ZBTB16: variants seen among roughly 807,000 people sequenced by gnomAD.
ZBTB16 encodes the protein zinc finger and BTB domain containing 16.
ZBTB16 carries 8 observed loss-of-function variants against 56.8 expected under a neutral mutation model. The ratio of observed to expected loss-of-function variants is 0.14; its 90% CI spans 0.08 to 0.25. ZBTB16 has a LOEUF of 0.25. Among genes scored for constraint, ZBTB16 ranks in the 10% least tolerant of loss-of-function variants. The pLI is 1.00. For synonymous variants in ZBTB16, 363 were observed against 368.5 expected (o/e 0.98, Z 0.17); for missense variants, 625 against 903.0 (o/e 0.69, Z 3.95).
rs1264100434 is a variant in ZBTB16, at chr11:114,117,069, T to A, written c.1269-39268T>A. ...GAGAAGGTGACTTGTAAGCAAGATC[T>A]TAAAAGATGAGAGGAAGATCACTGG... On this transcript the variant is annotated intron_variant, in intron 2 of 6. Coordinates refer to ENST00000335953, the MANE Select transcript of ZBTB16 (RefSeq NM_006006.6). 2.0e-5 allele frequency among the ~76,000 whole-genome samples: 3 copies of A among 152,122 alleles called. No homozygotes were observed. In the East Asian group the frequency reaches 5.8e-4, roughly 29 times the overall value.
chr11:114,176,558 C>T (rs918530617), intron 3 of ZBTB16, among the ~76,000 whole-genome samples: 1 of 152,168 alleles, frequency 6.6e-6, no homozygotes, highest in Non-Finnish European at 1.5e-5. Flanking sequence ...GCTGGCTGAA[C>T]CGGGGAACCC....
At chr11:114,160,487 C>T (rs1942558337) in intron 3 of ZBTB16, among the ~76,000 whole-genome samples, 1 of 152,172 alleles carries the variant, frequency 6.6e-6, no homozygotes, top group East Asian at 1.9e-4. Context: ...ATCGACAATG[C>T]AGGTCTTATT....
chr11:114,088,034 A>G (rs1940024956), intron 2 of ZBTB16, among the ~76,000 whole-genome samples: 1 of 152,144 alleles, frequency 6.6e-6, no homozygotes, highest in Non-Finnish European at 1.5e-5. Context: ...CTCTCCTTGC[A>G]GCATCCTTTC....
intron 3 of ZBTB16, among the ~76,000 whole-genome samples, chr11:114,165,602 G>C (rs571682512): frequency 6.6e-6 from 1 of 152,192 alleles, no homozygotes; most frequent in African/African-American, 2.4e-5. Context: ...GGCCTGAAGC[G>C]TACTCAGTTT....
intron 2 of ZBTB16, among the ~76,000 whole-genome samples, chr11:114,142,789 G>GA (rs1219993642): frequency 6.6e-6 from 1 of 152,122 alleles, no homozygotes; most frequent in Non-Finnish European, 1.5e-5. Context: ...TTGTGGAGGA[G>GA]AAAGCTTTTC....
At chr11:114,075,813 C>T (rs1939540341) in intron 2 of ZBTB16, among the ~76,000 whole-genome samples, 1 of 152,000 alleles carries the variant, frequency 6.6e-6, no homozygotes, top group Non-Finnish European at 1.5e-5. Context: ...TGCTTTTTTG[C>T]TCTTTAACAG....
At chr11:114,237,670 G>A (rs1173160425) in intron 4 of ZBTB16, among the ~76,000 whole-genome samples, 1 of 152,158 alleles carries the variant, frequency 6.6e-6, no homozygotes, top group Non-Finnish European at 1.5e-5. Flanking sequence ...ATCTCCCAGT[G>A]TAATAGAATC....
Position 114,060,980 on chromosome 11 carries a change from G to C in ZBTB16, c.-91+1098G>C, listed in dbSNP as rs527906034. Among the ~76,000 whole-genome samples the C allele has an allele frequency of 3.3e-5, 5 of 152,248 alleles. No homozygotes were observed. Among genetic ancestry groups the C allele is most frequent in the African/African-American group, 1.2e-4 (5 of 41,570 alleles). On this transcript the variant is annotated intron_variant, in intron 1 of 6. Transcript: ENST00000335953. The surrounding 1 kb of genome is among the most constrained non-coding windows in gnomAD (Gnocchi z 6.0). The stretch of plus-strand genomic sequence containing the variant: ...CGGGTCCGCCTCCCCTGCCGCTCTC[G>C]CCGCGGAGTCCAGCCCGCCCGGACT...
At chr11:114,068,753 T>C (rs755596185) in intron 2 of ZBTB16, among the ~76,000 whole-genome samples, 8 of 152,192 alleles carry the variant, frequency 5.3e-5, no homozygotes, top group African/African-American at 1.9e-4. Context: ...CTCCCTTTCT[T>C]ATTCCAAAAG....
At chr11:114,205,595 A>G (rs1330828324) in intron 4 of ZBTB16, among the ~76,000 whole-genome samples, 3 of 152,172 alleles carry the variant, frequency 2.0e-5, no homozygotes, top group Non-Finnish European at 4.4e-5. Context: ...CAACCAAACA[A>G]ATATAAAATG....
chr11:114,187,018 C>T lies in ZBTB16; in HGVS notation c.1433C>T (p.Thr478Ile), dbSNP rs780374276. 1 of 1,614,110 alleles carries T rather than the reference C, an allele frequency of 6.2e-7. No individual in the cohort carries two copies. The highest frequency in any genetic ancestry group is 2.2e-5 in the East Asian group (1 of 44,848). The part of the protein sequence containing the change: ...AQFSKEDALE[T>I]HRQTHTGTDM... ...TTTTCGAAGGAGGATGCCCTGGAGA[C>T]ACACAGGCAGACCCATACTGGTGAG... Residue 478 changes from threonine to isoleucine, a missense_variant, in exon 4 of 7, where the codon ACA becomes ATA. Transcript: ENST00000335953.
At position 114,163,347 on chromosome 11, in the gene ZBTB16, C is replaced by T. The variant is rs1482399057; in HGVS notation, c.1366+6913C>T. Among the ~76,000 whole-genome samples, 7 of 151,980 alleles carry T rather than the reference C, an allele frequency of 4.6e-5. No homozygotes were observed. The East Asian group carries it at 1.4e-3, about 29-fold the overall frequency. Reference sequence around the variant, plus strand: ...ACAGCCAGAGTATTTTTCCCCTTTACCTGATGAAATATACTGATTTTCCAG... The same window carrying T: ...ACAGCCAGAGTATTTTTCCCCTTTATCTGATGAAATATACTGATTTTCCAG... On this transcript the variant is annotated intron_variant, in intron 3 of 6. Transcript: ENST00000335953.
At position 114,103,815 on chromosome 11, in the gene ZBTB16, T is replaced by C. The variant is rs534234697; in HGVS notation, c.1268+39247T>C. On this transcript the variant is annotated intron_variant, in intron 2 of 6. Transcript: ENST00000335953. ...GGAGCAAACAATGTTGGGCCTTCTA[T>C]TTCAAACAGAGGTGTGGGGGCTTGT... Among the ~76,000 whole-genome samples, 19 of 152,328 alleles carry C rather than the reference T, an allele frequency of 1.2e-4. 1 individual carries two copies. Among genetic ancestry groups the C allele is most frequent in the Admixed American group, 9.8e-4 (15 of 15,300 alleles).
Position 114,063,634 on chromosome 11 carries a change from G to A in ZBTB16, c.334G>A (p.Glu112Lys). ...LLYAAEILEI[E>K]YLEEQCLKML... is the part of the protein sequence containing the mutation. ...GTATGCGGCCGAGATCCTGGAGATC[G>A]AGTACCTGGAGGAACAGTGCCTGAA... The change falls in exon 2 of 7, where the codon GAG becomes AAG. Residue 112 changes from glutamate to lysine, a missense_variant. Physicochemically the swap from Glu to Lys is moderately conservative, Grantham distance 56. Coordinates refer to ENST00000335953, the MANE Select transcript of ZBTB16 (RefSeq NM_006006.6). This position sits in a 1 kb window ranked among gnomAD's most constrained non-coding sequence, Gnocchi z 6.5. 2 of 1,614,136 alleles carry A rather than the reference G, an allele frequency of 1.2e-6. No homozygotes were observed. Among genetic ancestry groups the A allele is most frequent in the Non-Finnish European group, 1.7e-6 (2 of 1,180,042 alleles).
In ZBTB16 at chr11:114,156,440, C is replaced by G. The variant is rs1335945693; in HGVS notation, c.1366+6C>G. 6.2e-7 allele frequency: 1 copy of G among 1,614,056 alleles called. No individual in the cohort carries two copies. Among genetic ancestry groups the G allele is most frequent in the Admixed American group, 1.7e-5 (1 of 60,030 alleles). ...GCACTTACTGGCTCATTCAGGTAGG[C>G]AAGTTCGCCTTAGTGGCCCGTTCAG... On this transcript the variant is annotated splice_donor_region_variant and intron_variant, in intron 3 of 6. Transcript: ENST00000335953.
intron 3 of ZBTB16, among the ~76,000 whole-genome samples, chr11:114,174,319 T>G (rs1943048575): frequency 6.6e-6 from 1 of 151,808 alleles, no homozygotes; most frequent in South Asian, 2.1e-4. Flanking sequence ...GAGGTTTTTT[T>G]TTTTTTTCTT....
At chr11:114,172,170 C>T (rs140480368) in intron 3 of ZBTB16, among the ~76,000 whole-genome samples, 272 of 152,358 alleles carry the variant, frequency 1.8e-3, no homozygotes, top group African/African-American at 5.3e-3. Flanking sequence ...TTCCCTACTA[C>T]ATGTCCAAGA....
intron 2 of ZBTB16, among the ~76,000 whole-genome samples, chr11:114,076,617 A>G (rs1939575419): frequency 6.6e-6 from 1 of 151,724 alleles, no homozygotes; most frequent in Non-Finnish European, 1.5e-5. Context: ...ACCTCCCTGC[A>G]TTCCCCCCAC....
rs760671368 is a variant in ZBTB16, at chr11:114,235,693, TTCTTTCTTTC to T, written c.1454-6472_1454-6463del. On this transcript the variant is annotated intron_variant, in intron 4 of 6. Coordinates refer to ENST00000335953, the MANE Select transcript of ZBTB16 (RefSeq NM_006006.6). ...TTCTTTCTTTCTTTCTTTCTTTCTTTTCTTTCTTTCTTTTCTTTCTTTCTTTTTCTTTCTT... is the reference window on the plus strand; with the variant it reads ...TTCTTTCTTTCTTTCTTTCTTTCTTTTTTTCTTTCTTTCTTTTTCTTTCTT... 5.5e-3 allele frequency among the ~76,000 whole-genome samples: 626 copies of T among 114,372 alleles called. 4 individuals are homozygous for T. Among genetic ancestry groups the T allele is most frequent in the African/African-American group, 5.9e-3 (185 of 31,404 alleles). 75.0% of individuals were successfully genotyped at this position (114,372 alleles called of 152,430 possible).
Sources: gnomAD v4.1 joint callset for allele counts (sites outside exome capture counted in the v4.1 genomes callset) on GRCh38, gnomAD v4.1.1 for gene constraint, Gnocchi (gnomAD v3.1) non-coding constraint, MANE v1.5 for transcripts, NCBI Gene and HGNC (gene_info 2026-07-23, HGNC 2026-07-21) for gene names.